The following CLPTM1L variants were observed in gnomAD, a reference collection of about 807,000 sequenced individuals.
CLPTM1L encodes CLPTM1 like.
In CLPTM1L, 38 loss-of-function variants were observed where a neutral mutation model predicts 70.9. The observed-to-expected ratio is 0.54, with a 90% CI of 0.41 to 0.70. The LOEUF (loss-of-function observed/expected upper bound fraction) is 0.70. CLPTM1L is among the 30% of genes least tolerant of loss of function. The pLI is 0.00. For synonymous variants in CLPTM1L, 339 were observed against 299.9 expected (o/e 1.13, Z -1.35); for missense variants, 652 against 705.9 (o/e 0.92, Z 0.87).
At chr5:1,323,729 A>G in intron 12 of CLPTM1L, 58 bp downstream of exon 12, 1 of 1,483,624 alleles carries the variant, frequency 6.7e-7, no homozygotes, top group Non-Finnish European at 9.4e-7. Flanking sequence ...TGGCTCAGTC[A>G]TCCAAATGGC....
At chr5:1,332,008 A>C in intron 7 of CLPTM1L, 125 bp from the exon 8 acceptor site, 1 of 766,184 alleles carries the variant, frequency 1.3e-6, no homozygotes, top group Non-Finnish European at 2.2e-6. Flanking sequence ...ATGCATCAGG[A>C]TAAGTGTCTA....
chr5:1,322,719 G>A (rs1752229969), intron 13 of CLPTM1L, 158 bp downstream of exon 13: 5 of 749,992 alleles, frequency 6.7e-6, no homozygotes, highest in Middle Eastern at 5.1e-4. Context: ...TCACAGCCTG[G>A]GGGGAGCCCT....
chr5:1,341,893 T>A, intron 2 of CLPTM1L, 33 bp from the exon 3 acceptor site: 1 of 1,540,046 alleles, frequency 6.5e-7, no homozygotes, highest in South Asian at 1.1e-5. Context: ...ACTACATACA[T>A]ATTATATTCT....
intron 7 of CLPTM1L, among the ~76,000 whole-genome samples, chr5:1,333,332 C>G (rs1488247710): frequency 4.1e-5 from 5 of 123,170 alleles, no homozygotes; most frequent in African/African-American, 1.8e-4. Flanking sequence ...GGATGAGGGA[C>G]TATTGTATAC....
At chr5:1,319,546 G>C (rs1752031858) in intron 16 of CLPTM1L, among the ~76,000 whole-genome samples, 1 of 152,348 alleles carries the variant, frequency 6.6e-6, no homozygotes, top group South Asian at 2.1e-4. Context: ...GGGGACGGGA[G>C]CACTGCGCTC....
chr5:1,328,553 C>G (rs1490731243), intron 9 of CLPTM1L, among the ~76,000 whole-genome samples: 1 of 151,278 alleles, frequency 6.6e-6, no homozygotes, highest in Non-Finnish European at 1.5e-5. Context: ...AGCTCCTCCT[C>G]TACGGACACA....
rs12655841 is a variant in CLPTM1L, at chr5:1,333,733, A to C, written c.891+556T>G. Among the ~76,000 whole-genome samples, 1,318 of 140,258 alleles carry C rather than the reference A, an allele frequency of 9.4e-3. 1 individual carries two copies. The highest frequency in any genetic ancestry group is 0.021 in the South Asian group (80 of 3,836). The allele number at this position is 140,258 out of a possible 152,430, so 92.0% of individuals were successfully genotyped here. A position where few individuals can be genotyped will look rare whatever the true frequency, so the allele number is the denominator to read the frequency against. ...GGGGGGACTACTGTATACACACCGG[A>C]TGAGGATAAGGGGGGACTACTGTAT... On this transcript the variant is annotated intron_variant, in intron 7 of 16. Transcript: ENST00000320895.
At chr5:1,333,272 A>T (rs1753264652) in intron 7 of CLPTM1L, among the ~76,000 whole-genome samples, 1 of 123,108 alleles carries the variant, frequency 8.1e-6, no homozygotes, top group Non-Finnish European at 1.7e-5. Flanking sequence ...GGACTACTGT[A>T]TACACACCAG....
chr5:1,326,728 G>GGGGACATTCCATCCAGCTCCTCCTCCACA (rs1752588427), intron 9 of CLPTM1L, among the ~76,000 whole-genome samples: 1 of 73,362 alleles, frequency 1.4e-5, no homozygotes, highest in Non-Finnish European at 2.8e-5. Flanking sequence ...CCTCCTCTAC[G>GGGGACATTCCATCCAGCTCCTCCTCCACA]GGGACATTTC....
chr5:1,344,435 G>T lies in CLPTM1L; in HGVS notation c.179C>A (p.Thr60Lys). ...CTCAGCACCCAGGTGGGACCTCGTC[G>T]TGGTGTACACGCTCAGCTGGAAAGG... is the stretch of plus-strand genomic sequence containing the variant. ...RPKLQLSVYT[T>K]TRSHLGAENN... Residue 60 changes from threonine (T) to lysine (K), a missense_variant, in exon 2 of 17, where the codon ACG becomes AAG. Thr to Lys is a moderately conservative substitution (Grantham distance 78). Transcript: ENST00000320895. The T allele has an allele frequency of 1.2e-6, 2 of 1,613,492 alleles. No homozygotes were observed. The highest frequency in any genetic ancestry group is 8.5e-7 in the Non-Finnish European group (1 of 1,179,762).
chr5:1,344,535 A>C, intron 1 of CLPTM1L, 84 bp from the exon 2 acceptor site: 1 of 1,481,182 alleles, frequency 6.8e-7, no homozygotes, highest in South Asian at 1.2e-5. Flanking sequence ...GGAGGGCGGA[A>C]GACCTGGCCG....
At position 1,320,570 on chromosome 5, in the gene CLPTM1L, C is replaced by A. The variant is rs142470942; in HGVS notation, c.1532+46G>T. On this transcript the variant is annotated intron_variant, in intron 16 of 16. Coordinates refer to ENST00000320895, the MANE Select transcript of CLPTM1L (RefSeq NM_030782.5). ...CCGTCATTCCGTTCAGCAGCAGCCA[C>A]GCCGCTGAGACGGAGCAACGGCCGA... The A allele has an allele frequency of 1.1e-5, 12 of 1,075,640 alleles. No individual in the cohort carries two copies. The African/African-American group carries it at 1.6e-4, about 14-fold the overall frequency. The allele number at this position is 1,075,640 out of a possible 1,614,324, so 66.6% of individuals were successfully genotyped here. A position where few individuals can be genotyped will look rare whatever the true frequency, so the allele number is the denominator to read the frequency against.
At chr5:1,322,937 C>G (rs745697735) in intron 12 of CLPTM1L, 26 bp from the exon 13 acceptor site, 2 of 1,608,564 alleles carry the variant, frequency 1.2e-6, no homozygotes, top group South Asian at 2.2e-5. Flanking sequence ...AAGGAGAAGT[C>G]CTATTTCTCG....
At chr5:1,341,087 C>T (rs1204158318) in intron 3 of CLPTM1L, among the ~76,000 whole-genome samples, 4 of 152,214 alleles carry the variant, frequency 2.6e-5, no homozygotes, top group African/African-American at 9.6e-5. Flanking sequence ...ATTATCTCAC[C>T]TTCCACTCAA....
chr5:1,336,456 C>T (rs1753584015), intron 5 of CLPTM1L, among the ~76,000 whole-genome samples: 1 of 152,216 alleles, frequency 6.6e-6, no homozygotes, highest in Non-Finnish European at 1.5e-5. Context: ...GACAGATCTG[C>T]AGACAGACAC....
chr5:1,321,269 A>G (rs1001782293), intron 15 of CLPTM1L, among the ~76,000 whole-genome samples: 1 of 152,260 alleles, frequency 6.6e-6, no homozygotes, highest in Admixed American at 6.5e-5. Context: ...GGGAATGGCC[A>G]CGGCCCATGG....
intron 1 of CLPTM1L, 58 bp from the exon 2 acceptor site, chr5:1,344,509 A>C (rs2111264862): frequency 6.5e-7 from 1 of 1,534,736 alleles, no homozygotes; most frequent in Non-Finnish European, 9.0e-7. Context: ...GACGCACTCA[A>C]ATCCCACGGC....
Position 1,341,748 on chromosome 5 carries a change from G to A in CLPTM1L, c.376C>T (p.Leu126=). ...LPWHDGKQVH[L]VSPLTTYMVP... is the part of the protein sequence containing the mutation. ...ATGTAGGTGGTCAGAGGACTGACCA[G>A]GTGCACCTGCTTCCCGTCGTGCCAC... The change falls in exon 3 of 17, where the codon CTG becomes TTG. Residue 126 remains leucine, a synonymous_variant. Coordinates refer to ENST00000320895, the MANE Select transcript of CLPTM1L (RefSeq NM_030782.5). 1 of 1,614,018 alleles carries A rather than the reference G, an allele frequency of 6.2e-7. No individual in the cohort carries two copies. Among genetic ancestry groups the A allele is most frequent in the Non-Finnish European group, 8.5e-7 (1 of 1,179,970 alleles).
intron 12 of CLPTM1L, 92 bp downstream of exon 12, chr5:1,323,695 T>G: frequency 1.9e-6 from 2 of 1,078,278 alleles, no homozygotes; most frequent in Non-Finnish European, 2.8e-6. Flanking sequence ...GGCCCCGAGT[T>G]TGCCCTCCAG....
Sources: gnomAD v4.1 joint callset for allele counts (sites outside exome capture counted in the v4.1 genomes callset) on GRCh38, gnomAD v4.1.1 for gene constraint, MANE v1.5 for transcripts, NCBI Gene and HGNC (gene_info 2026-07-23, HGNC 2026-07-21) for gene names.